KAZN: variants seen among roughly 807,000 people sequenced by gnomAD.
KAZN encodes kazrin.
Under a neutral mutation model 87.4 loss-of-function variants are expected in KAZN, and 40 were observed. The observed-to-expected ratio is 0.46, with a 90% CI of 0.36 to 0.60. The LOEUF (loss-of-function observed/expected upper bound fraction) is 0.60, where lower values mean the gene tolerates loss of function less well. Ranked by LOEUF, KAZN falls within the 20% of genes least tolerant of loss-of-function variation. The pLI is 0.00. For missense variants in KAZN, 898 were observed against 1,073.9 expected, an observed-to-expected ratio of 0.84 and a Z score of 2.29; for synonymous variants, 466 against 458.3, an observed-to-expected ratio of 1.02 and a Z score of -0.22.
chr1:14,327,281 AGG>A (rs1451982124), intron 2 of KAZN, among the ~76,000 whole-genome samples: 1 of 152,190 alleles, frequency 6.6e-6, no homozygotes, highest in Non-Finnish European at 1.5e-5. Flanking sequence ...TAGTGGAGAA[AGG>A]GGGAATTATA....
At chr1:14,512,463 G>A (rs1351059442) in intron 2 of KAZN, among the ~76,000 whole-genome samples, 3 of 152,012 alleles carry the variant, frequency 2.0e-5, no homozygotes, top group Non-Finnish European at 4.4e-5. Flanking sequence ...CCCCTGGGTG[G>A]CGCAGAGCCC....
chr1:13,981,089 T>TCTCTATATATATATATATATATATATATA (rs1553181094), intron 1 of KAZN, among the ~76,000 whole-genome samples: 2 of 63,134 alleles, frequency 3.2e-5, no homozygotes, highest in East Asian at 2.8e-4. Flanking sequence ...AAATTACTCT[T>TCTCTATATATATATATATATATATATATA]TATATATATA....
chr1:14,984,635 C>T (rs1405516475), intron 2 of KAZN, among the ~76,000 whole-genome samples: 1 of 152,048 alleles, frequency 6.6e-6, no homozygotes, highest in Non-Finnish European at 1.5e-5. Context: ...TTTCTTGATG[C>T]CAGTCTCCAT....
chr1:14,595,225 GC>G (rs1466040823), upstream of KAZN, among the ~76,000 whole-genome samples: 1 of 152,150 alleles, frequency 6.6e-6, no homozygotes, highest in African/African-American at 2.4e-5. Flanking sequence ...TGGGGGGGCA[GC>G]ATCAAAACTA....
chr1:14,373,944 G>A (rs1042001919), intron 2 of KAZN, among the ~76,000 whole-genome samples: 2 of 152,186 alleles, frequency 1.3e-5, no homozygotes, highest in African/African-American at 4.8e-5. Context: ...TCCCATTTGT[G>A]CAAAAGGTAG....
At chr1:14,893,967 A>G (rs12075039) in intron 1 of KAZN, among the ~76,000 whole-genome samples, 3,259 of 152,262 alleles carry the variant, frequency 0.021, 138 homozygotes, top group African/African-American at 0.074. Flanking sequence ...ACCCAGCTAC[A>G]AAGGGAGGTG....
At chr1:13,893,445 A>T in exon 1 of KAZN, 1 of 667,148 alleles carries the variant, frequency 1.5e-6, no homozygotes, top group Non-Finnish European at 2.4e-6. Context: ...GCCAAGGCTT[A>T]TAGGGTTTCA....
At chr1:14,486,641 T>G (rs1194617433) in intron 2 of KAZN, among the ~76,000 whole-genome samples, 1 of 152,194 alleles carries the variant, frequency 6.6e-6, no homozygotes, top group Admixed American at 6.5e-5. Flanking sequence ...GTAGTGAAGA[T>G]GGTTGAGTCA....
At chr1:14,531,064 C>G (rs1571874477) in intron 2 of KAZN, among the ~76,000 whole-genome samples, 1 of 152,144 alleles carries the variant, frequency 6.6e-6, no homozygotes, top group Non-Finnish European at 1.5e-5. Flanking sequence ...CAGAGTGAGA[C>G]CCTGTCTCAA....
intron 2 of KAZN, among the ~76,000 whole-genome samples, chr1:14,240,829 A>G (rs1648872966): frequency 6.6e-6 from 1 of 152,198 alleles, no homozygotes; most frequent in South Asian, 2.1e-4. Flanking sequence ...AGAATGTTCC[A>G]CTTCTGTTGG....
At chr1:14,561,935 G>T (rs1674283760) in intron 2 of KAZN, among the ~76,000 whole-genome samples, 1 of 151,590 alleles carries the variant, frequency 6.6e-6, no homozygotes, top group Admixed American at 6.6e-5. Context: ...GTTTCAAAAA[G>T]CCTCTGAAAT....
At chr1:14,407,185 G>A (rs1321863470) in intron 2 of KAZN, among the ~76,000 whole-genome samples, 1 of 152,160 alleles carries the variant, frequency 6.6e-6, no homozygotes, top group Non-Finnish European at 1.5e-5. Flanking sequence ...CCTCGTTTTT[G>A]TATTTTCAAC....
intron 2 of KAZN, among the ~76,000 whole-genome samples, chr1:14,222,690 C>T (rs1647132530): frequency 6.6e-6 from 1 of 152,124 alleles, no homozygotes; most frequent in Non-Finnish European, 1.5e-5. Context: ...GAAATTTTGG[C>T]ATTTGGGGAT....
chr1:13,916,093 G>A (rs1249806695), intron 1 of KAZN, among the ~76,000 whole-genome samples: 1 of 152,298 alleles, frequency 6.6e-6, no homozygotes. Context: ...AGCCCCAGAT[G>A]CCTTTGGTGC....
chr1:14,029,808 G>C (rs1004056834), intron 1 of KAZN, among the ~76,000 whole-genome samples: 3 of 151,950 alleles, frequency 2.0e-5, no homozygotes, highest in Non-Finnish European at 4.4e-5. Flanking sequence ...TATTTCTGAG[G>C]GCTCTGTTCT....
intron 1 of KAZN, among the ~76,000 whole-genome samples, chr1:14,931,786 C>T (rs990883049): frequency 1.3e-5 from 2 of 152,158 alleles, no homozygotes; most frequent in Non-Finnish European, 2.9e-5. Flanking sequence ...CAGGCTGGAG[C>T]ACAGGGACGA....
intron 2 of KAZN, among the ~76,000 whole-genome samples, chr1:14,553,363 AACACAT>A (rs1037584362): frequency 6.6e-6 from 1 of 152,138 alleles, no homozygotes; most frequent in Non-Finnish European, 1.5e-5. Context: ...TGCCTCAAAA[AACACAT>A]ATATAGATTT....
chr1:15,046,400 G>T (rs1673531561), intron 4 of KAZN, among the ~76,000 whole-genome samples: 1 of 152,120 alleles, frequency 6.6e-6, no homozygotes, highest in African/African-American at 2.4e-5. Context: ...TCTTCACGCT[G>T]AGTGGCTGAG....
chr1:15,041,182 G>A (rs558019375), intron 3 of KAZN, among the ~76,000 whole-genome samples: 18 of 150,124 alleles, frequency 1.2e-4, no homozygotes, highest in Non-Finnish European at 1.6e-4. Flanking sequence ...GGCTGGTCTC[G>A]AGCTCCTGAC....
Sources: allele counts gnomAD v4.1 joint callset (sites outside exome capture counted in the v4.1 genomes callset), GRCh38; gene constraint gnomAD v4.1.1; transcripts MANE v1.5; gene names NCBI Gene and HGNC (gene_info 2026-07-23, HGNC 2026-07-21).